ERP27: variants seen among roughly 807,000 people sequenced by gnomAD.
ERP27 encodes endoplasmic reticulum protein 27, also known as endoplasmic reticulum resident protein 27.
In ERP27, 23 loss-of-function variants were observed where a neutral mutation model predicts 27.7. The observed-to-expected ratio is 0.83, with a 90% CI of 0.60 to 1.18. The LOEUF (loss-of-function observed/expected upper bound fraction) is 1.18. Ranked by LOEUF, ERP27 falls within the 50% of genes most tolerant of loss-of-function variation. ERP27 has a pLI of 0.00. For missense variants in ERP27, 363 were observed against 327.9 expected (o/e 1.11, Z -0.83); for synonymous variants, 159 against 118.3 (o/e 1.34, Z -2.23).
chr12:14,927,824 T>A (rs971118013), intron 3 of ERP27, among the ~76,000 whole-genome samples: 6 of 152,008 alleles, frequency 3.9e-5, no homozygotes, highest in African/African-American at 1.4e-4. Context: ...AAAAATAGTC[T>A]TTGGTGGAAA....
intron 3 of ERP27, chr12:14,929,199 A>G (rs1278758178): frequency 3.2e-6 from 4 of 1,266,928 alleles, no homozygotes; most frequent in Non-Finnish European, 4.1e-6. Context: ...AGGGAGAACA[A>G]GAAAAGCCAG....
chr12:14,915,632 AT>A lies in ERP27; in HGVS notation c.630del (p.Phe212SerfsTer3). On this transcript the variant is annotated frameshift_variant, in exon 6 of 7. Coordinates refer to ENST00000266397, the MANE Select transcript of ERP27 (RefSeq NM_152321.4). LOFTEE classifies it high-confidence loss of function. ...SGMKENGKVI[S>X]FFKLKESQLP... ...AGTTGAGACTCCTTTAGTTTGAAAA[AT>A]GATATCACCTTCCCATTTTCTTTCA... The A allele has an allele frequency of 6.2e-7, 1 of 1,614,220 alleles. No homozygotes were observed. The highest frequency in any genetic ancestry group is 8.5e-7 in the Non-Finnish European group (1 of 1,180,030).
intron 3 of ERP27, among the ~76,000 whole-genome samples, chr12:14,930,860 A>G (rs745857571): frequency 1.4e-4 from 21 of 152,260 alleles, no homozygotes; most frequent in Non-Finnish European, 2.1e-4. Flanking sequence ...TAGACAATAT[A>G]TAATGTCTAG....
At chr12:14,921,611 C>T (rs966907951) in intron 3 of ERP27, among the ~76,000 whole-genome samples, 8 of 152,040 alleles carry the variant, frequency 5.3e-5, no homozygotes, top group African/African-American at 1.9e-4. Context: ...ATTTATGTAC[C>T]CTTTTACTGT....
chr12:14,926,997 TATTTA>T (rs1192008086), intron 3 of ERP27, among the ~76,000 whole-genome samples: 1 of 152,216 alleles, frequency 6.6e-6, no homozygotes, highest in Non-Finnish European at 1.5e-5. Context: ...GTTTAATATA[TATTTA>T]TTCACCTTTT....
At chr12:14,935,054 A>G (rs565968693) in intron 2 of ERP27, 61 bp from the exon 3 acceptor site, 1 of 1,565,988 alleles carries the variant, frequency 6.4e-7, no homozygotes, top group Admixed American at 1.9e-5. Context: ...GACAAACGAT[A>G]GGCAAAAGAA....
chr12:14,936,250 G>A (rs898849594), intron 2 of ERP27, among the ~76,000 whole-genome samples: 1 of 152,164 alleles, frequency 6.6e-6, no homozygotes, highest in African/African-American at 2.4e-5. Flanking sequence ...TTTAACAAAA[G>A]TTTATGCAGG....
intron 3 of ERP27, among the ~76,000 whole-genome samples, chr12:14,923,379 A>G (rs1007608973): frequency 6.6e-6 from 1 of 151,492 alleles, no homozygotes; most frequent in African/African-American, 2.4e-5. Context: ...AAAATCTCTT[A>G]ATATGTATAT....
At chr12:14,933,195 G>T (rs952426333) in intron 3 of ERP27, among the ~76,000 whole-genome samples, 24 of 152,304 alleles carry the variant, frequency 1.6e-4, no homozygotes, top group African/African-American at 5.5e-4. Flanking sequence ...GAACAGAACA[G>T]TCTTTGCCTT....
intron 4 of ERP27, among the ~76,000 whole-genome samples, chr12:14,919,379 A>C (rs1426732765): frequency 6.6e-6 from 1 of 152,220 alleles, no homozygotes; most frequent in Non-Finnish European, 1.5e-5. Context: ...AGGTTAGTGC[A>C]TGCCCCTGCC....
intron 3 of ERP27, among the ~76,000 whole-genome samples, chr12:14,922,294 C>T (rs1863517031): frequency 6.6e-6 from 1 of 152,114 alleles, no homozygotes; most frequent in Non-Finnish European, 1.5e-5. Context: ...CTTGTCAACA[C>T]TTGCTATTGT....
intron 4 of ERP27, 70 bp downstream of exon 4, chr12:14,920,860 CCT>C (rs1863490887): frequency 8.9e-7 from 1 of 1,128,246 alleles, no homozygotes; most frequent in African/African-American, 1.6e-5. Context: ...GAGGAAGAGA[CCT>C]CTGTTATGAA....
Position 14,915,354 on chromosome 12 carries a change from A to G in ERP27, c.774+135T>C, listed in dbSNP as rs1034168470. 9 of 772,516 alleles carry G rather than the reference A, an allele frequency of 1.2e-5. No homozygotes were observed. In the African/African-American group the frequency reaches 1.6e-4, roughly 14 times the overall value. The allele number at this position is 772,516 out of a possible 1,614,324, so 47.9% of individuals were successfully genotyped here. A position where few individuals can be genotyped will look rare whatever the true frequency, so the allele number is the denominator to read the frequency against. On this transcript the variant is annotated intron_variant, in intron 6 of 6. Coordinates refer to ENST00000266397, the MANE Select transcript of ERP27 (RefSeq NM_152321.4). ...CTACAGAACACTAGACATTCCTCCTATCTATCTGCACTTGGTATCCATTAA... is the reference window on the plus strand; with the variant it reads ...CTACAGAACACTAGACATTCCTCCTGTCTATCTGCACTTGGTATCCATTAA...
intron 3 of ERP27, among the ~76,000 whole-genome samples, chr12:14,933,748 ATTC>A (rs1279268755): frequency 6.6e-6 from 1 of 152,170 alleles, no homozygotes; most frequent in Non-Finnish European, 1.5e-5. Context: ...TGACCTCACT[ATTC>A]TTAGACACCC....
chr12:14,916,145 C>A (rs899135601), intron 5 of ERP27, among the ~76,000 whole-genome samples: 4 of 152,042 alleles, frequency 2.6e-5, no homozygotes, highest in Non-Finnish European at 5.9e-5. Flanking sequence ...ACGTAATAAG[C>A]CTTCACATGT....
chr12:14,931,244 T>C (rs978761877), intron 3 of ERP27, among the ~76,000 whole-genome samples: 4 of 151,958 alleles, frequency 2.6e-5, no homozygotes, highest in African/African-American at 9.7e-5. Context: ...TAATAGTGCC[T>C]ATCATAGATT....
chr12:14,930,279 G>C (rs920100094), intron 3 of ERP27, among the ~76,000 whole-genome samples: 1 of 152,120 alleles, frequency 6.6e-6, no homozygotes, highest in East Asian at 1.9e-4. Flanking sequence ...AGTTTCTTCT[G>C]ATTCTCTTTG....
chr12:14,918,147 A>G (rs571352770), intron 4 of ERP27, among the ~76,000 whole-genome samples: 83 of 152,306 alleles, frequency 5.4e-4, no homozygotes, highest in Non-Finnish European at 8.8e-4. Context: ...CAGTTTTTCA[A>G]ATGAGGAAAT....
At chr12:14,928,391 GGTCTCCCAT>G (rs1863642010) in intron 3 of ERP27, among the ~76,000 whole-genome samples, 1 of 152,070 alleles carries the variant, frequency 6.6e-6, no homozygotes, top group Admixed American at 6.6e-5. Flanking sequence ...TCTTCAAGAG[GGTCTCCCAT>G]TGGGGTAACT....
Sources: gnomAD v4.1 joint callset for allele counts (sites outside exome capture counted in the v4.1 genomes callset) on GRCh38, gnomAD v4.1.1 for gene constraint, MANE v1.5 for transcripts, NCBI Gene and HGNC (gene_info 2026-07-23, HGNC 2026-07-21) for gene names.